FREM2: variants seen among roughly 807,000 people sequenced by gnomAD.
FREM2 encodes the protein FRAS1-related extracellular matrix protein 2.
FREM2 carries 119 observed loss-of-function variants against 219.9 expected under a neutral mutation model. That is an observed-to-expected ratio of 0.54 (90% CI 0.47 to 0.63). FREM2 has a LOEUF of 0.63. FREM2 is among the 30% of genes least tolerant of loss of function. FREM2 has a pLI of 0.00. For synonymous variants in FREM2, 1,562 were observed against 1,522.8 expected, an observed-to-expected ratio of 1.03 and a Z score of -0.60; for missense variants, 4,030 against 3,993.6, an observed-to-expected ratio of 1.01 and a Z score of -0.25.
chr13:38,687,118 G>GCGGCGGAGCTGGA lies in FREM2; in HGVS notation c.-222_-210dup. The GCGGCGGAGCTGGA allele has an allele frequency of 3.3e-6, 2 of 598,302 alleles. No individual in the cohort carries two copies. Among genetic ancestry groups the GCGGCGGAGCTGGA allele is most frequent in the South Asian group, 4.2e-5 (2 of 47,658 alleles). 37.1% of individuals were successfully genotyped at this position (598,302 alleles called of 1,614,324 possible). A position where few individuals can be genotyped will look rare whatever the true frequency, so the allele number is the denominator to read the frequency against. The stretch of plus-strand genomic sequence containing the variant: ...AATTCTCCGCGCGATTGAGGCGCTA[G>GCGGCGGAGCTGGA]CGGCGGAGCTGGACGGCCTGGGAAG... On this transcript the variant is annotated 5_prime_UTR_variant, in exon 1 of 24. Coordinates refer to ENST00000280481, the MANE Select transcript of FREM2 (RefSeq NM_207361.6).
intron 2 of FREM2, among the ~76,000 whole-genome samples, chr13:38,714,046 C>G (rs539835734): frequency 6.6e-6 from 1 of 152,310 alleles, no homozygotes; most frequent in East Asian, 1.9e-4. Flanking sequence ...TCTAATTGAA[C>G]TGATTATAAC....
rs557003911 is a variant in FREM2, at chr13:38,697,640, A to C, written c.5174-58A>C. ...ACTAATAGCCAATAAAATTTACCAT[A>C]ATGAATCATCAATTTTACTCTGGTA... On this transcript the variant is annotated intron_variant, in intron 1 of 23. Transcript: ENST00000280481. The C allele has an allele frequency of 1.5e-4, 149 of 992,568 alleles. No individual in the cohort carries two copies. In the African/African-American group the frequency reaches 2.2e-3, roughly 15 times the overall value. 61.5% of individuals were successfully genotyped at this position (992,568 alleles called of 1,614,324 possible).
rs1163604743 is a variant in FREM2 at position 38,763,464 on chromosome 13, C to CTTTTTTTT, written c.5264-834_5264-827dup. ...CCTCTAGCTGTGTTTGTTACTTGGG[C>CTTTTTTTT]TTTTTTTTTTTTTACACCCTCTTTC... On this transcript the variant is annotated intron_variant, in intron 2 of 23. Coordinates refer to ENST00000280481, the MANE Select transcript of FREM2 (RefSeq NM_207361.6). Among the ~76,000 whole-genome samples the CTTTTTTTT allele has an allele frequency of 1.3e-4, 13 of 102,360 alleles. 1 individual carries two copies. Among genetic ancestry groups the CTTTTTTTT allele is most frequent in the Admixed American group, 3.7e-4 (3 of 8,036 alleles). The allele number at this position is 102,360 out of a possible 152,430, so 67.2% of individuals were successfully genotyped here.
chr13:38,855,629 A>G (rs1322930480), intron 11 of FREM2, among the ~76,000 whole-genome samples: 2 of 152,184 alleles, frequency 1.3e-5, no homozygotes, highest in Non-Finnish European at 2.9e-5. Context: ...TAACTCAGGA[A>G]TGGAAAACCA....
At chr13:38,727,009 A>AT (rs1311467542) in intron 2 of FREM2, among the ~76,000 whole-genome samples, 3 of 152,292 alleles carry the variant, frequency 2.0e-5, no homozygotes, top group Non-Finnish European at 4.4e-5. Flanking sequence ...ACAAACTAAA[A>AT]TTCTTTATTG....
chr13:38,690,547 A>G lies in FREM2; in HGVS notation c.3203A>G (p.Glu1068Gly). 6.2e-7 allele frequency: 1 copy of G among 1,614,226 alleles called. No homozygotes were observed. The highest frequency in any genetic ancestry group is 8.5e-7 in the Non-Finnish European group (1 of 1,180,044). The change falls in exon 1 of 24, where the codon GAA (glutamate) becomes GGA (glycine). Residue 1068 changes from glutamate to glycine, a missense_variant. Physicochemically the swap from Glu to Gly is moderately conservative, Grantham distance 98. Transcript: ENST00000280481. ...CTGCCTGTTGATAGCCAGGCCCCAG[A>G]AATCTTTGTAGGTGAACAGTTGATA... ...TILPVDSQAPEIFVGEQLIVM... is the reference protein window; with the variant it reads ...TILPVDSQAPGIFVGEQLIVM...
chr13:38,783,844 C>A (rs1874217902), intron 5 of FREM2, among the ~76,000 whole-genome samples: 1 of 152,318 alleles, frequency 6.6e-6, no homozygotes, highest in Admixed American at 6.5e-5. Flanking sequence ...TGCCTGTAAT[C>A]CCAGCACTTT....
chr13:38,878,856 C>T lies in FREM2; in HGVS notation c.8885C>T (p.Ala2962Val), dbSNP rs7996253. The T allele has an allele frequency of 3.4e-3, 5,546 of 1,614,096 alleles. 183 individuals carry two copies. In the African/African-American group the frequency reaches 0.066, roughly 19 times the overall value. The change falls in exon 23 of 24, where the codon GCG (alanine) becomes GTG (valine). Residue 2962 changes from alanine (A) to valine (V), a missense_variant. By Grantham distance (64) the Ala-to-Val change is moderately conservative. This residue lies in a region of FREM2 where 928 missense variants were observed against 1,042.9 expected (regional missense o/e 0.89). Coordinates refer to ENST00000280481, the MANE Select transcript of FREM2 (RefSeq NM_207361.6). ...GACAAAGCTCAGCCAGAGACACAAG[C>T]GACCAGTTTTGGAAATGTCCTATTT... is the stretch of plus-strand genomic sequence containing the variant. ...IVDKAQPETQATSFGNVLFNA... is the reference protein window; with the variant it reads ...IVDKAQPETQVTSFGNVLFNA...
chr13:38,824,418 A>T (rs1342041658), intron 6 of FREM2, among the ~76,000 whole-genome samples: 1 of 151,980 alleles, frequency 6.6e-6, no homozygotes, highest in African/African-American at 2.4e-5. Flanking sequence ...CTCGGTACAC[A>T]AATAAAGACC....
At chr13:38,767,911 T>C (rs2137813054) in intron 3 of FREM2, among the ~76,000 whole-genome samples, 1 of 152,336 alleles carries the variant, frequency 6.6e-6, no homozygotes, top group African/African-American at 2.4e-5. Context: ...GACAGAAATA[T>C]TTTTAATAAA....
In FREM2 at chr13:38,729,183, G is replaced by A. The variant is rs557439178; in HGVS notation, c.5263+31396G>A. ...ATTTCTCATACTTATTTGATCACTG[G>A]CATTTTTTTTTTCAAATAACACCAA... On this transcript the variant is annotated intron_variant, in intron 2 of 23. Transcript: ENST00000280481. Among the ~76,000 whole-genome samples the A allele has an allele frequency of 4.0e-5, 6 of 150,064 alleles. No homozygotes were observed. In the South Asian group the frequency reaches 1.2e-3, roughly 31 times the overall value.
Position 38,786,557 on chromosome 13 carries a change from A to G in FREM2, c.6019+1749A>G, listed in dbSNP as rs531188922. 1.1e-3 allele frequency among the ~76,000 whole-genome samples: 163 copies of G among 152,330 alleles called. 1 individual carries two copies. Among genetic ancestry groups the G allele is most frequent in the Non-Finnish European group, 1.8e-3 (123 of 68,022 alleles). On this transcript the variant is annotated intron_variant, in intron 6 of 23. Transcript: ENST00000280481. ...TTGAATATCATTTCAGAAAAATCTA[A>G]TAGCCCATGCTAAATGCCTATCTGC...
chr13:38,732,391 G>T (rs142401635), intron 2 of FREM2, among the ~76,000 whole-genome samples: 1 of 152,220 alleles, frequency 6.6e-6, no homozygotes, highest in Non-Finnish European at 1.5e-5. Flanking sequence ...TCATGGCTAT[G>T]TATTCATTAC....
Position 38,874,389 on chromosome 13 carries a change from C to G in FREM2, c.8177-93C>G, listed in dbSNP as rs1878271091. ...ACCCTTTGCCCAGAATGTTTAAAGA[C>G]AAGTCAAACCTGAATTAATTTTTGG... On this transcript the variant is annotated intron_variant, in intron 17 of 23. Coordinates refer to ENST00000280481, the MANE Select transcript of FREM2 (RefSeq NM_207361.6). 3 of 970,330 alleles carry G rather than the reference C, an allele frequency of 3.1e-6. No homozygotes were observed. The African/African-American group carries it at 4.8e-5, about 16-fold the overall frequency. The allele number at this position is 970,330 out of a possible 1,614,324, so 60.1% of individuals were successfully genotyped here.
rs142314544 is a variant in FREM2, at chr13:38,878,558, G to A, written c.8859+237G>A. 8.5e-3 allele frequency among the ~76,000 whole-genome samples: 1,277 copies of A among 151,068 alleles called. 21 individuals carry two copies. The highest frequency in any genetic ancestry group is 0.029 in the African/African-American group (1,213 of 41,306). On this transcript the variant is annotated intron_variant, in intron 22 of 23. Coordinates refer to ENST00000280481, the MANE Select transcript of FREM2 (RefSeq NM_207361.6). ...AGCCGAGCATCGTGGCACATGCCTGGAGTCCCAGCTACTTGGGAGGCTGAG... is the reference window on the plus strand; with the variant it reads ...AGCCGAGCATCGTGGCACATGCCTGAAGTCCCAGCTACTTGGGAGGCTGAG...
In FREM2 at chr13:38,840,713, C is replaced by G. The variant is rs1422850108; in HGVS notation, c.6020-5860C>G. ...ATATATGTGCATATATACACACACA[C>G]ACACAGATATATATATATACACACA... On this transcript the variant is annotated intron_variant, in intron 6 of 23. Coordinates refer to ENST00000280481, the MANE Select transcript of FREM2 (RefSeq NM_207361.6). Among the ~76,000 whole-genome samples the G allele has an allele frequency of 2.7e-5, 4 of 147,400 alleles. 1 individual carries two copies. In the South Asian group the frequency reaches 6.4e-4, roughly 24 times the overall value.
Position 38,764,336 on chromosome 13 carries a change from C to A in FREM2, c.5296C>A (p.Leu1766Met). 6.2e-7 allele frequency: 1 copy of A among 1,611,882 alleles called. No individual in the cohort carries two copies. The highest frequency in any genetic ancestry group is 8.5e-7 in the Non-Finnish European group (1 of 1,178,170). Residue 1766 changes from leucine (L) to methionine (M), a missense_variant, in exon 3 of 24, where the codon CTG becomes ATG. Physicochemically the swap from Leu to Met is conservative, Grantham distance 15 (BLOSUM62 2). This residue lies in a region of FREM2 where 3,102 missense variants were observed against 2,950.7 expected (regional missense o/e 1.05). Transcript: ENST00000280481. ...GNKLTYQNFR[L>M]NWAWISFEKE... Reference sequence around the variant, plus strand: ...CAAGTTAACGTACCAGAATTTTCGTCTGAATTGGGCATGGATCTCCTTTGA... The same window carrying A: ...CAAGTTAACGTACCAGAATTTTCGTATGAATTGGGCATGGATCTCCTTTGA...
chr13:38,702,135 G>A (rs561685926), intron 2 of FREM2, among the ~76,000 whole-genome samples: 3 of 152,062 alleles, frequency 2.0e-5, no homozygotes, highest in South Asian at 4.2e-4. Context: ...AAATCCCTAT[G>A]GCACCAGGAA....
rs1878598820 is a variant in FREM2, at chr13:38,882,964, T to G, written c.*2177T>G. The G allele has an allele frequency of 6.6e-6, 1 of 152,192 alleles. No individual in the cohort carries two copies. Among genetic ancestry groups the G allele is most frequent in the South Asian group, 2.1e-4 (1 of 4,830 alleles). 9.4% of individuals were successfully genotyped at this position (152,192 alleles called of 1,614,324 possible). ...ACTGTACGAAGTCTGTTTTCAGGCT[T>G]TGGGTCAAGCTGGTTTTATACCAAA... On this transcript the variant is annotated 3_prime_UTR_variant, in exon 24 of 24. Coordinates refer to ENST00000280481, the MANE Select transcript of FREM2 (RefSeq NM_207361.6).
Sources: allele counts gnomAD v4.1 joint callset (sites outside exome capture counted in the v4.1 genomes callset), GRCh38; gene constraint gnomAD v4.1.1; regional missense constraint gnomAD v4.1.1; transcripts MANE v1.5; gene names NCBI Gene and HGNC (gene_info 2026-07-23, HGNC 2026-07-21).